Variants in TIMP2 observed in about 807,000 individuals in gnomAD.
TIMP2 encodes the protein TIMP metallopeptidase inhibitor 2, also known as metalloproteinase inhibitor 2.
In TIMP2, 5 loss-of-function variants were observed where a neutral mutation model predicts 24.3. The ratio of observed to expected loss-of-function variants is 0.21; its 90% confidence interval spans 0.11 to 0.43. The LOEUF (loss-of-function observed/expected upper bound fraction) is 0.43, where lower values mean the gene tolerates loss of function less well. Ranked by LOEUF, TIMP2 falls within the 20% of genes least tolerant of loss-of-function variation. TIMP2 has a pLI of 1.00. For missense variants in TIMP2, 221 were observed against 297.5 expected (o/e 0.74, Z 1.89); for synonymous variants, 130 against 123.2 (o/e 1.06, Z -0.37).
chr17:78,891,499 GTTC>G lies in TIMP2; in HGVS notation c.131-17583_131-17581del, dbSNP rs1427439042. The G allele has an allele frequency of 1.0e-5, 16 of 1,551,146 alleles. No individual in the cohort carries two copies. Among genetic ancestry groups the G allele is most frequent in the Non-Finnish European group, 1.3e-5 (15 of 1,147,120 alleles). ...CCAACTCCAGCTCTTTCTGCCACTTGTTCTTCTCCCGGAGCGTGCACTGAGATG... is the reference window on the plus strand; with the variant it reads ...CCAACTCCAGCTCTTTCTGCCACTTGTTCTCCCGGAGCGTGCACTGAGATG... On this transcript the variant is annotated intron_variant, in intron 1 of 4. Transcript: ENST00000262768. The surrounding 1 kb of genome is among the most constrained non-coding windows in gnomAD (Gnocchi z 4.5).
chr17:78,911,622 G>T (rs1291813231), intron 1 of TIMP2, among the ~76,000 whole-genome samples: 1 of 151,764 alleles, frequency 6.6e-6, no homozygotes, highest in Non-Finnish European at 1.5e-5. Flanking sequence ...GTAGAGATGG[G>T]GTTTCGCCAT....
intron 1 of TIMP2, among the ~76,000 whole-genome samples, chr17:78,885,647 TG>T (rs552368446): frequency 6.6e-5 from 10 of 151,038 alleles, no homozygotes; most frequent in Non-Finnish European, 5.9e-5. Context: ...AGAGAGGTGG[TG>T]GGAAGAGAGA....
chr17:78,893,503 A>G (rs1385196235), intron 1 of TIMP2, among the ~76,000 whole-genome samples: 1 of 148,096 alleles, frequency 6.8e-6, no homozygotes, highest in Non-Finnish European at 1.5e-5. Context: ...GTGTGCGCGC[A>G]GGGGTGTGTG....
chr17:78,872,087 C>T (rs756862622), intron 2 of TIMP2, among the ~76,000 whole-genome samples: 6 of 151,208 alleles, frequency 4.0e-5, no homozygotes, highest in Non-Finnish European at 7.4e-5. Flanking sequence ...TTCCCAGGCT[C>T]AAGTGATCCT....
intron 1 of TIMP2, among the ~76,000 whole-genome samples, chr17:78,908,012 G>A (rs1599173748): frequency 6.6e-6 from 1 of 152,174 alleles, no homozygotes; most frequent in African/African-American, 2.4e-5. Flanking sequence ...GTGTGTGTCT[G>A]TGGTCCCAGC....
At chr17:78,914,985 C>T (rs1370814516) in intron 1 of TIMP2, among the ~76,000 whole-genome samples, 3 of 151,756 alleles carry the variant, frequency 2.0e-5, no homozygotes, top group Admixed American at 6.6e-5. Flanking sequence ...CAACCTCCGC[C>T]TCCCGGGTTC....
chr17:78,861,021 G>A (rs992362696), intron 3 of TIMP2, among the ~76,000 whole-genome samples: 1 of 119,682 alleles, frequency 8.4e-6, no homozygotes, highest in Non-Finnish European at 1.7e-5. Context: ...GGGCAACAGA[G>A]CAAGACTCCG....
chr17:78,855,654 G>T lies in TIMP2; in HGVS notation c.*13C>A, dbSNP rs201679056. On this transcript the variant is annotated 3_prime_UTR_variant, in exon 5 of 5. Coordinates refer to ENST00000262768, the MANE Select transcript of TIMP2 (RefSeq NM_003255.5). The surrounding 1 kb of genome is among the most constrained non-coding windows in gnomAD (Gnocchi z 6.0). ...TTTTTTTGCAGTTGGCCACAGGGGC[G>T]TTGGAGGCCTGCTTATGGGTCCTCG... 1 of 1,612,736 alleles carries T rather than the reference G, an allele frequency of 6.2e-7. No homozygotes were observed. The highest frequency in any genetic ancestry group is 8.5e-7 in the Non-Finnish European group (1 of 1,179,618).
chr17:78,857,796 A>T, intron 3 of TIMP2, 150 bp from the exon 4 acceptor site: 1 of 1,023,100 alleles, frequency 9.8e-7, no homozygotes, highest in South Asian at 1.6e-5. Flanking sequence ...GTGGCCAGGC[A>T]CGGTGGCTCA....
chr17:78,862,651 C>T (rs2069577051), intron 3 of TIMP2, among the ~76,000 whole-genome samples: 2 of 152,264 alleles, frequency 1.3e-5, no homozygotes, highest in Non-Finnish European at 2.9e-5. Flanking sequence ...ACGGATCCAT[C>T]GCCCAGGTAG....
chr17:78,905,404 G>A lies in TIMP2; in HGVS notation c.130+19555C>T, dbSNP rs184655882. ...TTACGCAGCTGGATGGAGCCTATTG[G>A]TTCTGTTTCTCTGGGAAACCCTAAT... On this transcript the variant is annotated intron_variant, in intron 1 of 4. Coordinates refer to ENST00000262768, the MANE Select transcript of TIMP2 (RefSeq NM_003255.5). Among the ~76,000 whole-genome samples the A allele has an allele frequency of 1.8e-4, 27 of 152,328 alleles. No homozygotes were observed. The East Asian group carries it at 4.8e-3, about 27-fold the overall frequency.
intron 1 of TIMP2, chr17:78,890,438 G>A (rs1295364657): frequency 3.7e-6 from 2 of 541,698 alleles, no homozygotes; most frequent in Admixed American, 7.1e-5. Flanking sequence ...CTGACCTCAG[G>A]TGATCCTGAG....
chr17:78,880,155 C>A (rs2069766737), intron 1 of TIMP2, among the ~76,000 whole-genome samples: 1 of 152,184 alleles, frequency 6.6e-6, no homozygotes, highest in Non-Finnish European at 1.5e-5. Flanking sequence ...AGACTCCAAC[C>A]ACGCCAGCCC....
At position 78,867,413 on chromosome 17, in the gene TIMP2, A is replaced by C. The variant is rs536292164; in HGVS notation, c.340+3485T>G. Among the ~76,000 whole-genome samples, 6 of 152,144 alleles carry C rather than the reference A, an allele frequency of 3.9e-5. No individual in the cohort carries two copies. In the South Asian group the frequency reaches 1.2e-3, roughly 32 times the overall value. On this transcript the variant is annotated intron_variant, in intron 3 of 4. Coordinates refer to ENST00000262768, the MANE Select transcript of TIMP2 (RefSeq NM_003255.5). ...GCAGGAGCTGTGAGCATGTTAAGGA[A>C]GGGAGGGAAGATCTTACCCAAGGGG...
chr17:78,888,493 C>T (rs2069847151), intron 1 of TIMP2, among the ~76,000 whole-genome samples: 1 of 152,172 alleles, frequency 6.6e-6, no homozygotes, highest in African/African-American at 2.4e-5. Context: ...CTCGCTCTGT[C>T]ACCCAGGCTG....
At chr17:78,863,114 T>C (rs1285896528) in intron 3 of TIMP2, among the ~76,000 whole-genome samples, 1 of 152,252 alleles carries the variant, frequency 6.6e-6, no homozygotes, top group Non-Finnish European at 1.5e-5. Context: ...TTCTCAGTTC[T>C]TTGAGAAATC....
chr17:78,858,565 G>C (rs1290136115), intron 3 of TIMP2, among the ~76,000 whole-genome samples: 1 of 152,120 alleles, frequency 6.6e-6, no homozygotes, highest in African/African-American at 2.4e-5. Context: ...CTGTCGCTCA[G>C]GCCAGAGTGC....
intron 1 of TIMP2, among the ~76,000 whole-genome samples, chr17:78,874,507 G>A (rs937597350): frequency 4.6e-5 from 7 of 152,162 alleles, no homozygotes; most frequent in Non-Finnish European, 1.0e-4. Context: ...AGCTTTGGGG[G>A]TCTTACATCT....
intron 1 of TIMP2, among the ~76,000 whole-genome samples, chr17:78,917,251 C>CAA (rs10592875): frequency 0.011 from 881 of 77,364 alleles, 18 homozygotes; most frequent in Non-Finnish European, 0.013. Context: ...GACTCCGTCT[C>CAA]AAAAAAAAAA....
Sources: gnomAD v4.1 joint callset for allele counts (sites outside exome capture counted in the v4.1 genomes callset) on GRCh38, gnomAD v4.1.1 for gene constraint, Gnocchi (gnomAD v3.1) non-coding constraint, MANE v1.5 for transcripts, NCBI Gene and HGNC (gene_info 2026-07-23, HGNC 2026-07-21) for gene names.